The following MMD2 variants were observed in gnomAD, a reference collection of about 807,000 sequenced individuals.
MMD2 encodes the protein monocyte to macrophage differentiation associated 2.
MMD2 carries 30 observed loss-of-function variants against 33.5 expected under a neutral mutation model. That is an observed-to-expected ratio of 0.90 (90% CI 0.67 to 1.22). The LOEUF (loss-of-function observed/expected upper bound fraction) is 1.22, where lower values mean the gene tolerates loss of function less well. Among genes scored for constraint, MMD2 ranks in the 50% most tolerant of loss-of-function variants. MMD2 has a pLI of 0.00. For missense variants in MMD2, 364 were observed against 325.4 expected (o/e 1.12, Z -0.91); for synonymous variants, 129 against 123.0 (o/e 1.05, Z -0.32).
intron 1 of MMD2, among the ~76,000 whole-genome samples, chr7:4,926,767 C>T (rs1030303930): frequency 6.6e-6 from 1 of 151,304 alleles, no homozygotes; most frequent in East Asian, 1.9e-4. Flanking sequence ...TTTTTTGAGA[C>T]GGAGTCGTGC....
chr7:4,915,331 AAATAT>A (rs1785112302), intron 4 of MMD2, among the ~76,000 whole-genome samples: 1 of 151,808 alleles, frequency 6.6e-6, no homozygotes, highest in Non-Finnish European at 1.5e-5. Flanking sequence ...AAGTAAATAT[AAATAT>A]AAGTATATAT....
intron 1 of MMD2, among the ~76,000 whole-genome samples, chr7:4,926,567 T>C (rs1785433785): frequency 6.6e-6 from 1 of 151,952 alleles, no homozygotes; most frequent in Non-Finnish European, 1.5e-5. Context: ...CATGGGTACC[T>C]CTTCCCAGGG....
At chr7:4,923,242 T>C (rs551418662) in intron 2 of MMD2, among the ~76,000 whole-genome samples, 1 of 152,244 alleles carries the variant, frequency 6.6e-6, no homozygotes, top group Admixed American at 6.6e-5. Flanking sequence ...TAGCTGGGAT[T>C]ACAGGCGCAT....
intron 1 of MMD2, 134 bp downstream of exon 1, chr7:4,958,837 G>A: frequency 4.0e-6 from 3 of 757,476 alleles, no homozygotes; most frequent in Non-Finnish European, 5.4e-6. Context: ...GGTTTTCTCG[G>A]GCGGGGGTCA....
chr7:4,902,424 G>A (rs546256064), downstream of MMD2, among the ~76,000 whole-genome samples: 2 of 152,266 alleles, frequency 1.3e-5, no homozygotes, highest in South Asian at 2.1e-4. Flanking sequence ...GGGTGCCCTC[G>A]GGAAAATCAC....
At chr7:4,898,406 C>T in the MMD2 span, among the ~76,000 whole-genome samples, 45 of 152,260 alleles carry the variant, frequency 3.0e-4, no homozygotes, top group African/African-American at 7.9e-4. Context: ...GCTTTCAGAA[C>T]TTAGGATTTA....
chr7:4,905,976 G>C (rs1314452042), downstream of MMD2: 1 of 153,446 alleles, frequency 6.5e-6, no homozygotes, highest in Non-Finnish European at 1.5e-5. The surrounding 1 kb of genome is among the most constrained non-coding windows in gnomAD (Gnocchi z 5.0). Flanking sequence ...CTCCCAGCAC[G>C]GAGGCAGTCT....
At chr7:4,903,877 G>A (rs1030195161), downstream of MMD2, among the ~76,000 whole-genome samples, 1 of 152,168 alleles carries the variant, frequency 6.6e-6, no homozygotes, top group Admixed American at 6.5e-5. Context: ...GAACCTCACG[G>A]CCCCAGGGAT....
intron 2 of MMD2, among the ~76,000 whole-genome samples, chr7:4,922,182 C>T (rs964275292): frequency 2.2e-4 from 33 of 151,982 alleles, no homozygotes; most frequent in African/African-American, 7.5e-4. Flanking sequence ...GCCAAGATCA[C>T]GCCACCATAC....
chr7:4,895,995 C>G, the MMD2 span, among the ~76,000 whole-genome samples: 4 of 152,188 alleles, frequency 2.6e-5, no homozygotes, highest in African/African-American at 9.6e-5. Flanking sequence ...TCCTTCCTGA[C>G]GAAGCCTAGT....
chr7:4,952,309 T>C (rs189315660), intron 1 of MMD2, among the ~76,000 whole-genome samples: 43 of 152,348 alleles, frequency 2.8e-4, no homozygotes, highest in African/African-American at 1.0e-3. Flanking sequence ...GGGCTGTGCC[T>C]GGATGAATCT....
At chr7:4,947,692 CTTTTTTTTTTTT>C (rs71033002) in intron 1 of MMD2, among the ~76,000 whole-genome samples, 858 of 35,970 alleles carry the variant, frequency 0.024, 28 homozygotes, top group African/African-American at 0.089. Flanking sequence ...TGCACCTGGC[CTTTTTTTTTTTT>C]TTTTTTTTTT....
chr7:4,935,526 A>C lies in MMD2; in HGVS notation c.48-9994T>G, dbSNP rs1045133363. On this transcript the variant is annotated intron_variant, in intron 1 of 6. Transcript: ENST00000401401. ...CCTTATTTCCACAAAAAAATAAAAA[A>C]ATTAGCCAGACGTGGTGGCATGCAT... Among the ~76,000 whole-genome samples the C allele has an allele frequency of 2.0e-5, 3 of 151,798 alleles. No homozygotes were observed. The East Asian group carries it at 5.8e-4, about 29-fold the overall frequency.
rs1306148325 is a variant in MMD2 at position 4,911,332 on chromosome 7, G to T, written c.366-86C>A. ...GAGGACCGGCCTGTCACAGGAAATG[G>T]ACCCCAGGGAAGTCCTGTCACCTGT... On this transcript the variant is annotated intron_variant, in intron 4 of 6. Transcript: ENST00000401401. The T allele has an allele frequency of 3.6e-6, 4 of 1,102,266 alleles. No individual in the cohort carries two copies. The Admixed American group carries it at 8.9e-5, about 25-fold the overall frequency. 68.3% of individuals were successfully genotyped at this position (1,102,266 alleles called of 1,614,324 possible).
downstream of MMD2, among the ~76,000 whole-genome samples, chr7:4,902,484 C>T (rs569070555): frequency 7.9e-5 from 12 of 152,174 alleles, no homozygotes; most frequent in Non-Finnish European, 1.3e-4. Context: ...AGCAAATTAT[C>T]CTTACCCCAC....
chr7:4,930,832 G>C (rs1446339652), intron 1 of MMD2, among the ~76,000 whole-genome samples: 3 of 152,132 alleles, frequency 2.0e-5, no homozygotes, highest in South Asian at 2.1e-4. Flanking sequence ...TGCATGTCGT[G>C]CTTGTTTTTT....
chr7:4,920,098 A>AC lies in MMD2; in HGVS notation c.290+72dup, dbSNP rs200390471. 2,872 of 1,478,700 alleles carry AC rather than the reference A, an allele frequency of 1.9e-3. 59 individuals carry two copies. The African/African-American group carries it at 0.037, about 19-fold the overall frequency. The allele number at this position is 1,478,700 out of a possible 1,614,324, so 91.6% of individuals were successfully genotyped here. ...CCAGGCAGACCGGATATCCTGGTTC[A>AC]CCCCCCGGGCTGCCATGGGTCCCCC... On this transcript the variant is annotated intron_variant, in intron 3 of 6. Transcript: ENST00000401401.
chr7:4,937,341 G>A (rs182190598), intron 1 of MMD2, among the ~76,000 whole-genome samples: 2 of 151,610 alleles, frequency 1.3e-5, no homozygotes, highest in Non-Finnish European at 2.9e-5. Context: ...AGGTTGCAGT[G>A]AGCCGGGATT....
chr7:4,899,993 A>G, the MMD2 span, among the ~76,000 whole-genome samples: 1 of 152,044 alleles, frequency 6.6e-6, no homozygotes, highest in African/African-American at 2.4e-5. Flanking sequence ...ATGTGAGCAG[A>G]CAGATCTCCA....
Sources: allele counts gnomAD v4.1 joint callset (sites outside exome capture counted in the v4.1 genomes callset), GRCh38; gene constraint gnomAD v4.1.1; non-coding constraint Gnocchi (gnomAD v3.1); transcripts MANE v1.5; gene names NCBI Gene and HGNC (gene_info 2026-07-23, HGNC 2026-07-21).